The following ATG5 variants were observed in gnomAD, a reference collection of about 807,000 sequenced individuals.
ATG5 encodes the protein autophagy protein 5.
Under a neutral mutation model 36.5 loss-of-function variants are expected in ATG5, and 14 were observed. That is an observed-to-expected ratio of 0.38 (90% CI 0.25 to 0.60). ATG5 has a LOEUF of 0.60. ATG5 is among the 20% of genes least tolerant of loss of function. The pLI is 0.60. For synonymous variants in ATG5, 95 were observed against 101.5 expected (o/e 0.94, Z 0.38); for missense variants, 195 against 326.7 (o/e 0.60, Z 3.11).
intron 3 of ATG5, among the ~76,000 whole-genome samples, chr6:106,303,862 T>C (rs1300026223): frequency 2.0e-5 from 3 of 151,794 alleles, no homozygotes; most frequent in Non-Finnish European, 4.4e-5. Flanking sequence ...CATCTATTCA[T>C]GACAATTGTG....
intron 5 of ATG5, among the ~76,000 whole-genome samples, chr6:106,262,933 C>A (rs1278972562): frequency 2.6e-5 from 4 of 152,228 alleles, no homozygotes; most frequent in Non-Finnish European, 5.9e-5. Flanking sequence ...TGGGCAGACA[C>A]CGAGCTAGCT....
chr6:106,242,481 A>T (rs923610215), intron 6 of ATG5, among the ~76,000 whole-genome samples: 1 of 152,222 alleles, frequency 6.6e-6, no homozygotes, highest in South Asian at 2.1e-4. Context: ...AGAAGAAAAG[A>T]GTTTTGGAGA....
At chr6:106,324,001 C>T (rs543597027) in intron 1 of ATG5, among the ~76,000 whole-genome samples, 1 of 152,200 alleles carries the variant, frequency 6.6e-6, no homozygotes, top group South Asian at 2.1e-4. Flanking sequence ...CTTTATCACC[C>T]GTAGGCCTCC....
intron 4 of ATG5, chr6:106,283,347 C>T (rs1161651953): frequency 6.6e-6 from 1 of 152,114 alleles, no homozygotes; most frequent in Non-Finnish European, 1.5e-5. Flanking sequence ...AAAGTTTGTA[C>T]AGAGTAACAA....
chr6:106,225,060 T>C (rs1396846001), intron 6 of ATG5, among the ~76,000 whole-genome samples: 1 of 152,240 alleles, frequency 6.6e-6, no homozygotes, highest in African/African-American at 2.4e-5. Context: ...GTCAATAACA[T>C]CTAATAATTC....
At chr6:106,194,489 T>A (rs182111400) in intron 7 of ATG5, among the ~76,000 whole-genome samples, 3 of 152,174 alleles carry the variant, frequency 2.0e-5, no homozygotes, top group African/African-American at 7.2e-5. Flanking sequence ...TCTAATCATA[T>A]ACAGCAAAGG....
intron 4 of ATG5, among the ~76,000 whole-genome samples, chr6:106,282,861 A>C (rs1779933652): frequency 6.7e-6 from 1 of 149,750 alleles, no homozygotes; most frequent in South Asian, 2.2e-4. Context: ...ATCACACCTT[A>C]TTGCAGCCTC....
At chr6:106,261,228 G>A (rs1779006522) in intron 5 of ATG5, among the ~76,000 whole-genome samples, 1 of 152,150 alleles carries the variant, frequency 6.6e-6, no homozygotes, top group Non-Finnish European at 1.5e-5. Context: ...TTACTGCAAC[G>A]ACAGCATACT....
intron 6 of ATG5, among the ~76,000 whole-genome samples, chr6:106,243,012 CAG>C (rs760215167): frequency 4.9e-4 from 74 of 152,266 alleles, no homozygotes; most frequent in Non-Finnish European, 7.9e-4. Flanking sequence ...GGAAACAAAA[CAG>C]AGTCTAAAAT....
At chr6:106,232,881 A>C (rs139075802) in intron 6 of ATG5, among the ~76,000 whole-genome samples, 3 of 151,946 alleles carry the variant, frequency 2.0e-5, no homozygotes, top group Admixed American at 1.3e-4. Flanking sequence ...GTACATCCTG[A>C]CTCTCAATTC....
intron 4 of ATG5, chr6:106,283,714 G>T (rs974019142): frequency 3.3e-5 from 5 of 152,232 alleles, no homozygotes; most frequent in African/African-American, 1.2e-4. Context: ...CGCCCGACTA[G>T]TTCTTAGGTA....
intron 7 of ATG5, among the ~76,000 whole-genome samples, chr6:106,192,468 A>T (rs1200834882): frequency 6.6e-6 from 1 of 152,172 alleles, no homozygotes; most frequent in Non-Finnish European, 1.5e-5. Context: ...GTGACTTGAG[A>T]TTCTAGTGAG....
At chr6:106,295,465 TTC>T (rs1223916696) in intron 3 of ATG5, among the ~76,000 whole-genome samples, 1 of 152,234 alleles carries the variant, frequency 6.6e-6, no homozygotes, top group Admixed American at 6.5e-5. Context: ...GTTTTACATA[TTC>T]CCTGCCATTA....
At chr6:106,243,492 C>A (rs1778205115) in intron 6 of ATG5, among the ~76,000 whole-genome samples, 1 of 149,884 alleles carries the variant, frequency 6.7e-6, no homozygotes, top group South Asian at 2.1e-4. Context: ...CACATCACTG[C>A]ACTCAAGCCT....
intron 6 of ATG5, among the ~76,000 whole-genome samples, chr6:106,222,062 T>C (rs1187815654): frequency 1.3e-5 from 2 of 152,126 alleles, no homozygotes; most frequent in Non-Finnish European, 2.9e-5. Flanking sequence ...CAGCTAATTT[T>C]TGTATTTTCA....
intron 7 of ATG5, among the ~76,000 whole-genome samples, chr6:106,189,993 T>A (rs572708523): frequency 6.6e-6 from 1 of 152,300 alleles, no homozygotes; most frequent in South Asian, 2.1e-4. Flanking sequence ...GTGTACCATT[T>A]CTAATATAAG....
In ATG5 at chr6:106,301,496, A is replaced by T. The variant is rs1307623077; in HGVS notation, c.236+6868T>A. The stretch of plus-strand genomic sequence containing the variant: ...GGGTCCTAACTTATTTGAACAAGTT[A>T]CCTTACTTATTTGAGTCTCGGTTTT... On this transcript the variant is annotated intron_variant, in intron 3 of 7. Transcript: ENST00000369076. Among the ~76,000 whole-genome samples, 3 of 152,182 alleles carry T rather than the reference A, an allele frequency of 2.0e-5. No homozygotes were observed. In the East Asian group the frequency reaches 5.8e-4, roughly 29 times the overall value.
intron 4 of ATG5, among the ~76,000 whole-genome samples, chr6:106,284,496 C>T (rs1036617800): frequency 2.0e-5 from 3 of 152,114 alleles, no homozygotes; most frequent in African/African-American, 7.2e-5. Context: ...ACTATAGGCA[C>T]ATGCCACCAC....
At chr6:106,311,592 T>C (rs774310106) in intron 2 of ATG5, among the ~76,000 whole-genome samples, 1 of 152,076 alleles carries the variant, frequency 6.6e-6, no homozygotes, top group Non-Finnish European at 1.5e-5. Flanking sequence ...CTGAATATGA[T>C]AGGAAGGTAC....
Sources: allele counts gnomAD v4.1 joint callset (sites outside exome capture counted in the v4.1 genomes callset), GRCh38; gene constraint gnomAD v4.1.1; transcripts MANE v1.5; gene names NCBI Gene and HGNC (gene_info 2026-07-23, HGNC 2026-07-21).